CDH13: variants seen among roughly 807,000 people sequenced by gnomAD.
CDH13 encodes the protein cadherin 13.
CDH13 carries 24 observed loss-of-function variants against 63.8 expected under a neutral mutation model. That is an observed-to-expected ratio of 0.38 (90% CI 0.27 to 0.53). The LOEUF is 0.53. Among genes scored for constraint, CDH13 ranks in the 20% least tolerant of loss-of-function variants. The pLI is 0.85. For synonymous variants in CDH13, 503 were observed against 355.3 expected, an observed-to-expected ratio of 1.42 and a Z score of -4.67; for missense variants, 1,049 against 903.1, an observed-to-expected ratio of 1.16 and a Z score of -2.07.
At chr16:83,594,003 G>A (rs1373508610) in intron 7 of CDH13, among the ~76,000 whole-genome samples, 1 of 152,180 alleles carries the variant, frequency 6.6e-6, no homozygotes, top group Non-Finnish European at 1.5e-5. Flanking sequence ...AGGAATCTGG[G>A]CATTTCTTAG....
At chr16:83,476,743 G>C (rs1479209804) in intron 6 of CDH13, among the ~76,000 whole-genome samples, 1 of 152,110 alleles carries the variant, frequency 6.6e-6, no homozygotes, top group Non-Finnish European at 1.5e-5. Context: ...TTGTTTTTAA[G>C]AGTTTATGGA....
At chr16:83,009,948 A>T (rs934770569) in intron 2 of CDH13, among the ~76,000 whole-genome samples, 4 of 152,022 alleles carry the variant, frequency 2.6e-5, no homozygotes, top group Admixed American at 6.5e-5. Flanking sequence ...AGCCTGGCCA[A>T]CATGGTGAAA....
chr16:83,283,576 G>A (rs961382615), intron 5 of CDH13, among the ~76,000 whole-genome samples: 1 of 152,154 alleles, frequency 6.6e-6, no homozygotes, highest in Admixed American at 6.5e-5. Context: ...GGGCAACAGG[G>A]CTAGACTCCA....
intron 1 of CDH13, among the ~76,000 whole-genome samples, chr16:82,813,733 C>G (rs1282327744): frequency 6.6e-6 from 1 of 152,124 alleles, no homozygotes; most frequent in Non-Finnish European, 1.5e-5. Flanking sequence ...AAACTAAAAC[C>G]AAACTTTTGA....
intron 2 of CDH13, among the ~76,000 whole-genome samples, chr16:82,945,446 C>A (rs375439503): frequency 1.3e-5 from 2 of 152,122 alleles, no homozygotes; most frequent in African/African-American, 4.8e-5. Flanking sequence ...TGACTGAAAC[C>A]GAGAGCTTTC....
intron 6 of CDH13, among the ~76,000 whole-genome samples, chr16:83,443,723 AAAAAAAAAAAAAATATATAT>A (rs2072561085): frequency 3.8e-5 from 3 of 79,110 alleles, no homozygotes; most frequent in African/African-American, 7.0e-5. Context: ...AAAAAAAAAA[AAAAAAAAAAAAAATATATAT>A]ATATATATAT....
chr16:83,649,162 G>C (rs8064125), intron 8 of CDH13, among the ~76,000 whole-genome samples: 152,050 of 152,376 alleles, frequency 1, 75,862 homozygotes, highest in Middle Eastern at 1. Flanking sequence ...AGTGGCCACA[G>C]GCTGCTGTTG....
At chr16:82,848,042 C>T (rs2039336431) in intron 1 of CDH13, among the ~76,000 whole-genome samples, 2 of 152,032 alleles carry the variant, frequency 1.3e-5, no homozygotes, top group Admixed American at 1.3e-4. Context: ...GGCATTTATG[C>T]AGATTAAATA....
intron 5 of CDH13, among the ~76,000 whole-genome samples, chr16:83,330,691 C>T (rs1034126245): frequency 1.3e-5 from 2 of 152,160 alleles, no homozygotes; most frequent in African/African-American, 4.8e-5. Context: ...CTGGTACTGA[C>T]CACCTTCCTC....
intron 1 of CDH13, among the ~76,000 whole-genome samples, chr16:82,817,502 C>G (rs9930305): frequency 0.43 from 65,087 of 152,060 alleles, 15,211 homozygotes; most frequent in East Asian, 0.92. Context: ...AATGCACACA[C>G]ATATATACAT....
rs2090737795 is a variant in CDH13, at chr16:83,342,078, T to G, written c.637-2784T>G. 1.3e-5 allele frequency among the ~76,000 whole-genome samples: 2 copies of G among 151,764 alleles called. 1 individual carries two copies. Among genetic ancestry groups the G allele is most frequent in the South Asian group, 4.2e-4 (2 of 4,806 alleles). On this transcript the variant is annotated intron_variant, in intron 5 of 13. Transcript: ENST00000567109. ...CAGTGATGGAAATGTTCTACATCTG[T>G]GTTGTCTAATATGGTAACTACTACC...
At chr16:82,842,852 T>A (rs918485054) in intron 1 of CDH13, among the ~76,000 whole-genome samples, 3 of 152,104 alleles carry the variant, frequency 2.0e-5, no homozygotes, top group Admixed American at 2.0e-4. Flanking sequence ...AGGCATTAGA[T>A]TTTCTGAAGG....
At chr16:83,078,045 A>T (rs1415121254) in intron 3 of CDH13, among the ~76,000 whole-genome samples, 1 of 152,172 alleles carries the variant, frequency 6.6e-6, no homozygotes, top group Non-Finnish European at 1.5e-5. Context: ...GCTTGGCTAA[A>T]GTCAAACTTG....
intron 2 of CDH13, among the ~76,000 whole-genome samples, chr16:82,946,809 C>T (rs564974932): frequency 2.0e-5 from 3 of 152,184 alleles, no homozygotes; most frequent in East Asian, 3.9e-4. Flanking sequence ...AACATAAATA[C>T]ATATGCCTAG....
At chr16:82,707,122 C>G (rs746936793) in intron 1 of CDH13, among the ~76,000 whole-genome samples, 7 of 152,142 alleles carry the variant, frequency 4.6e-5, no homozygotes, top group Non-Finnish European at 1.5e-5. Flanking sequence ...CTTCCTAAAG[C>G]GTAAAGTTGG....
intron 6 of CDH13, among the ~76,000 whole-genome samples, chr16:83,464,562 A>C (rs2151529658): frequency 6.6e-6 from 1 of 151,440 alleles, no homozygotes; most frequent in Admixed American, 6.6e-5. Flanking sequence ...ATTTCACCAC[A>C]TTGGCCAGGC....
At chr16:83,043,282 G>A (rs942723565) in intron 3 of CDH13, among the ~76,000 whole-genome samples, 1 of 151,994 alleles carries the variant, frequency 6.6e-6, no homozygotes, top group Non-Finnish European at 1.5e-5. Flanking sequence ...AATTCTTGGG[G>A]GAAAAACTGA....
intron 3 of CDH13, among the ~76,000 whole-genome samples, chr16:83,117,005 G>A (rs895167446): frequency 3.9e-5 from 6 of 152,206 alleles, no homozygotes; most frequent in African/African-American, 7.2e-5. Flanking sequence ...ATCGTAGGAC[G>A]ATGAGCGCTG....
intron 1 of CDH13, among the ~76,000 whole-genome samples, chr16:82,794,788 A>T (rs900686798): frequency 2.0e-5 from 3 of 152,204 alleles, no homozygotes; most frequent in Non-Finnish European, 4.4e-5. Flanking sequence ...TTGTAGAATA[A>T]TTTAAACCAG....
Sources: gnomAD v4.1 joint callset for allele counts (sites outside exome capture counted in the v4.1 genomes callset) on GRCh38, gnomAD v4.1.1 for gene constraint, MANE v1.5 for transcripts, NCBI Gene and HGNC (gene_info 2026-07-23, HGNC 2026-07-21) for gene names.